Variants in NEB observed in about 807,000 individuals in gnomAD.
The protein encoded by NEB is nemaline myopathy type 2.
In NEB, 512 loss-of-function variants were observed where a neutral mutation model predicts 952.2. The observed-to-expected ratio is 0.54, with a 90% confidence interval of 0.50 to 0.58. The LOEUF (loss-of-function observed/expected upper bound fraction) is 0.58. Ranked by LOEUF, NEB falls within the 20% of genes least tolerant of loss-of-function variation. The pLI is 0.00. For synonymous variants in NEB, 2,900 were observed against 3,149.8 expected, an observed-to-expected ratio of 0.92 and a Z score of 2.66; for missense variants, 8,428 against 9,231.1, an observed-to-expected ratio of 0.91 and a Z score of 3.56.
intron 52 of NEB, among the ~76,000 whole-genome samples, chr2:151,653,791 C>T (rs573613643): frequency 5.4e-4 from 82 of 152,138 alleles, no homozygotes; most frequent in African/African-American, 2.0e-3. Flanking sequence ...GGTCGTCTGG[C>T]CCGACCTCTA....
chr2:151,578,048 T>C (rs2096942010), intron 105 of NEB, among the ~76,000 whole-genome samples: 2 of 152,224 alleles, frequency 1.3e-5, no homozygotes, highest in African/African-American at 4.8e-5. Flanking sequence ...CACTTGGCAA[T>C]GCATTTTAAG....
At position 151,650,876 on chromosome 2, in the gene NEB, T is replaced by C; in HGVS notation, c.6925A>G (p.Lys2309Glu). 1.2e-6 allele frequency: 2 copies of C among 1,611,570 alleles called. No individual in the cohort carries two copies. Among genetic ancestry groups the C allele is most frequent in the South Asian group, 1.1e-5 (1 of 90,692 alleles). Residue 2309 changes from lysine (K) to glutamate (E), a missense_variant, in exon 53 of 182, where the codon AAA (lysine) becomes GAA (glutamate). Lys to Glu is a moderately conservative substitution (Grantham distance 56, BLOSUM62 1). Coordinates refer to ENST00000397345, the MANE Select transcript of NEB (RefSeq NM_001164508.2). ...SRDIASDYKY[K>E]QGYRKQLGHH... ...CCAAGTTGCTTTCGGTAGCCTTGTT[T>C]GTATTTATACTGAAATCAGAGAAAA...
intron 107 of NEB, 60 bp downstream of exon 107, chr2:151,575,635 A>C: frequency 8.5e-7 from 1 of 1,180,018 alleles, no homozygotes; most frequent in Non-Finnish European, 1.3e-6. Flanking sequence ...TTCCATGCTC[A>C]TAGTATAGCC....
At position 151,656,254 on chromosome 2, in the gene NEB, T is replaced by C. The variant is rs755394940; in HGVS notation, c.6394A>G (p.Ile2132Val). ...VTAAKDAQAN[I>V]TNTNYKHLIH... ...AGGTGCTTGTAGTTAGTGTTGGTGA[T>C]GTTGGCTTGGGCATCCTTTGCAGCC... Residue 2132 changes from isoleucine to valine, a missense_variant, in exon 49 of 182, where the codon ATC becomes GTC. This residue lies in a region of NEB where 2,851 missense variants were observed against 2,791.5 expected (regional missense o/e 1.02). Transcript: ENST00000397345. 3 of 1,613,630 alleles carry C rather than the reference T, an allele frequency of 1.9e-6. No individual in the cohort carries two copies. The highest frequency in any genetic ancestry group is 2.5e-6 in the Non-Finnish European group (3 of 1,179,708).
chr2:151,685,988 CATTTATT>C (rs1559238424), intron 27 of NEB, among the ~76,000 whole-genome samples: 1 of 152,132 alleles, frequency 6.6e-6, no homozygotes, highest in African/African-American at 2.4e-5. Flanking sequence ...TCACTGAATA[CATTTATT>C]ATTTAACTAT....
chr2:151,572,104 T>C (rs2153780357), intron 107 of NEB, among the ~76,000 whole-genome samples: 2 of 152,278 alleles, frequency 1.3e-5, no homozygotes, highest in East Asian at 3.9e-4. Flanking sequence ...GGTGGATCAC[T>C]TGAAGTCAGG....
intron 24 of NEB, 56 bp from the exon 25 acceptor site, chr2:151,688,452 G>A: frequency 7.3e-7 from 1 of 1,364,184 alleles, no homozygotes; most frequent in Non-Finnish European, 1.0e-6. Context: ...ATTTATTTAG[G>A]GCAGCATATA....
intron 153 of NEB, 146 bp from the exon 154 acceptor site, chr2:151,519,914 A>G (rs150279580): frequency 2.5e-4 from 138 of 562,320 alleles, no homozygotes; most frequent in African/African-American, 2.3e-3. Context: ...CATTTAGAGT[A>G]AAGAAGACAC....
intron 103 of NEB, 96 bp downstream of exon 103, chr2:151,581,387 G>C: frequency 2.7e-6 from 1 of 371,416 alleles, no homozygotes; most frequent in South Asian, 4.4e-5. Flanking sequence ...GGAATGGGAA[G>C]AAAATGCCTT....
At chr2:151,516,595 C>T in intron 156 of NEB, 32 bp from the exon 157 acceptor site, 2 of 1,391,982 alleles carry the variant, frequency 1.4e-6, no homozygotes, top group Middle Eastern at 1.8e-4. Flanking sequence ...AGATATCTCT[C>T]CTCTGGTCAA....
At chr2:151,672,720 G>A in intron 36 of NEB, 40 bp from the exon 37 acceptor site, 4 of 1,513,286 alleles carry the variant, frequency 2.6e-6, no homozygotes, top group Non-Finnish European at 3.6e-6. Context: ...CCTAGGCATT[G>A]ATAGCATTAG....
intron 42 of NEB, among the ~76,000 whole-genome samples, 158 bp from the exon 43 acceptor site, chr2:151,665,021 C>G (rs1268334004): frequency 6.6e-6 from 1 of 152,052 alleles, no homozygotes; most frequent in Non-Finnish European, 1.5e-5. Context: ...ACTAAATACA[C>G]AATAAGAAAA....
At chr2:151,518,916 T>C (rs758636800) in intron 155 of NEB, 49 bp downstream of exon 155, 12 of 1,321,620 alleles carry the variant, frequency 9.1e-6, no homozygotes, top group Non-Finnish European at 1.1e-6. Flanking sequence ...AAGAATTTAG[T>C]TCCAAATGGG....
At chr2:151,704,906 GA>G (rs1175062820) in intron 13 of NEB, among the ~76,000 whole-genome samples, 3 of 152,116 alleles carry the variant, frequency 2.0e-5, no homozygotes, top group African/African-American at 7.2e-5. Flanking sequence ...AAAAAATTAA[GA>G]AACCAATATG....
intron 173 of NEB, among the ~76,000 whole-genome samples, chr2:151,496,004 GTGGATAGAGAGTAAGTT>G (rs1275703746): frequency 6.6e-6 from 1 of 152,162 alleles, no homozygotes; most frequent in African/African-American, 2.4e-5. Flanking sequence ...CTTGGGGGTA[GTGGATAGAGAGTAAGTT>G]TGGAGAGAGA....
chr2:151,731,737 T>C (rs1339834782), intron 3 of NEB, among the ~76,000 whole-genome samples: 1 of 152,174 alleles, frequency 6.6e-6, no homozygotes, highest in Non-Finnish European at 1.5e-5. Flanking sequence ...GGTACACAAT[T>C]ATTTTAAGAA....
chr2:151,497,760 C>T (rs1431207630), intron 170 of NEB, 42 bp from the exon 171 acceptor site: 1 of 1,551,102 alleles, frequency 6.4e-7, no homozygotes, highest in African/African-American at 1.4e-5. Flanking sequence ...CCATGAGTAA[C>T]ATTTCATTTC....
chr2:151,723,303 G>C, intron 9 of NEB, 79 bp downstream of exon 9: 1 of 919,002 alleles, frequency 1.1e-6, no homozygotes, highest in Non-Finnish European at 1.7e-6. Flanking sequence ...AAGAGTTGCA[G>C]TGACCATCTG....
At chr2:151,620,332 T>C (rs2098370027) in intron 72 of NEB, among the ~76,000 whole-genome samples, 1 of 122,288 alleles carries the variant, frequency 8.2e-6, no homozygotes, top group African/African-American at 3.5e-5. Flanking sequence ...TTATTATATA[T>C]ATATGTATGT....
Sources: allele counts gnomAD v4.1 joint callset (sites outside exome capture counted in the v4.1 genomes callset), GRCh38; gene constraint gnomAD v4.1.1; regional missense constraint gnomAD v4.1.1; transcripts MANE v1.5; gene names NCBI Gene and HGNC (gene_info 2026-07-23, HGNC 2026-07-21).